Variants in AFF3 observed in about 807,000 individuals in gnomAD.
The protein encoded by AFF3 is AF4/FMR2 family member 3.
A neutral mutation model predicts 129.7 loss-of-function variants in AFF3; 32 were observed. That is an observed-to-expected ratio of 0.25 (90% CI 0.19 to 0.33). AFF3 has a LOEUF of 0.33. Ranked by LOEUF, AFF3 falls within the 10% of genes least tolerant of loss-of-function variation. The pLI, the probability that AFF3 is intolerant of heterozygous loss-of-function variation, is 1.00. For synonymous variants in AFF3, 644 were observed against 635.4 expected, an observed-to-expected ratio of 1.01 and a Z score of -0.20; for missense variants, 1,373 against 1,592.0, an observed-to-expected ratio of 0.86 and a Z score of 2.34.
chr2:100,134,959 C>T (rs917993632), intron 1 of AFF3, among the ~76,000 whole-genome samples: 1 of 152,216 alleles, frequency 6.6e-6, no homozygotes, highest in Admixed American at 6.5e-5. Context: ...GAAGCTCTCT[C>T]TGAAATGGTG....
intron 7 of AFF3, among the ~76,000 whole-genome samples, chr2:99,978,319 A>C (rs1296011843): frequency 6.6e-6 from 1 of 152,112 alleles, no homozygotes; most frequent in Non-Finnish European, 1.5e-5. Flanking sequence ...AGCAGATACC[A>C]AAAGATGCTA....
At chr2:99,613,811 G>A (rs758505394) in intron 13 of AFF3, among the ~76,000 whole-genome samples, 8 of 152,164 alleles carry the variant, frequency 5.3e-5, no homozygotes, top group Non-Finnish European at 1.2e-4. Context: ...GGTTGCAGGC[G>A]ATCATCCTTG....
At chr2:100,078,274 T>C (rs1018804829) in intron 4 of AFF3, among the ~76,000 whole-genome samples, 11 of 152,338 alleles carry the variant, frequency 7.2e-5, no homozygotes, top group Non-Finnish European at 1.5e-4. Flanking sequence ...CAGAAGATAC[T>C]GTAAGCGAAT....
At chr2:99,610,357 T>C (rs2105194716) in intron 13 of AFF3, among the ~76,000 whole-genome samples, 1 of 152,376 alleles carries the variant, frequency 6.6e-6, no homozygotes, top group East Asian at 1.9e-4. Flanking sequence ...ATTTTGAGAA[T>C]GTTATAGAAA....
chr2:99,878,211 T>C (rs891206495), intron 7 of AFF3, among the ~76,000 whole-genome samples: 4 of 152,182 alleles, frequency 2.6e-5, no homozygotes, highest in Non-Finnish European at 4.4e-5. Flanking sequence ...TCCGTGAGCT[T>C]TGAGTTGTGA....
intron 4 of AFF3, among the ~76,000 whole-genome samples, chr2:100,027,102 A>G (rs1039111095): frequency 3.3e-5 from 5 of 152,086 alleles, no homozygotes; most frequent in Admixed American, 6.6e-5. Context: ...ATAAACAGAG[A>G]AAAAAAGTGA....
chr2:99,553,589 A>G (rs984630683), intron 24 of AFF3, among the ~76,000 whole-genome samples: 3 of 152,026 alleles, frequency 2.0e-5, no homozygotes, highest in African/African-American at 7.3e-5. Flanking sequence ...TGACCCCCAA[A>G]TTTTATTCCA....
intron 8 of AFF3, among the ~76,000 whole-genome samples, chr2:99,817,345 G>GT (rs1687320575): frequency 1.3e-5 from 2 of 152,156 alleles, no homozygotes; most frequent in South Asian, 4.1e-4. Flanking sequence ...GTCTTGTGTG[G>GT]TGTTCCCCAT....
chr2:99,764,765 C>T (rs1682875133), intron 8 of AFF3, among the ~76,000 whole-genome samples: 1 of 152,158 alleles, frequency 6.6e-6, no homozygotes. Context: ...GACTGAGTGA[C>T]TCTTGTTAAA....
At chr2:99,884,301 C>T (rs934885728) in intron 7 of AFF3, among the ~76,000 whole-genome samples, 1 of 152,188 alleles carries the variant, frequency 6.6e-6, no homozygotes. Flanking sequence ...CATCACCTCA[C>T]GTACTTTCGT....
At chr2:100,017,375 A>C (rs1181086439) in intron 4 of AFF3, among the ~76,000 whole-genome samples, 1 of 152,188 alleles carries the variant, frequency 6.6e-6, no homozygotes, top group African/African-American at 2.4e-5. Flanking sequence ...CTCTGACCAC[A>C]AACAAGTAAA....
At chr2:99,989,963 G>C (rs961653824) in intron 7 of AFF3, among the ~76,000 whole-genome samples, 1 of 152,050 alleles carries the variant, frequency 6.6e-6, no homozygotes, top group African/African-American at 2.4e-5. Context: ...GTTTTTTATT[G>C]ATGTAATTGA....
At chr2:99,627,695 T>C (rs1198808636) in intron 13 of AFF3, among the ~76,000 whole-genome samples, 1 of 152,206 alleles carries the variant, frequency 6.6e-6, no homozygotes, top group Non-Finnish European at 1.5e-5. Flanking sequence ...AGGGTTTTTA[T>C]AGTTTTGGGG....
At chr2:99,767,213 T>C (rs1031902130) in intron 8 of AFF3, among the ~76,000 whole-genome samples, 1 of 152,014 alleles carries the variant, frequency 6.6e-6, no homozygotes, top group African/African-American at 2.4e-5. Context: ...TCTCAGGAGG[T>C]GTAAGCACCA....
chr2:100,025,194 T>TC (rs2104906398), intron 4 of AFF3, among the ~76,000 whole-genome samples: 1 of 152,098 alleles, frequency 6.6e-6, no homozygotes, highest in East Asian at 1.9e-4. Flanking sequence ...ACCAACCCCT[T>TC]CCTTCCTCAC....
At chr2:99,683,424 A>G (rs1046534191) in intron 11 of AFF3, among the ~76,000 whole-genome samples, 2 of 152,134 alleles carry the variant, frequency 1.3e-5, no homozygotes, top group South Asian at 2.1e-4. Flanking sequence ...CTATGTTACA[A>G]TTTAAGTCCA....
chr2:99,731,599 C>T (rs749295770), intron 10 of AFF3, among the ~76,000 whole-genome samples: 6 of 152,134 alleles, frequency 3.9e-5, no homozygotes, highest in Admixed American at 6.6e-5. Flanking sequence ...ATTATTGAGT[C>T]ATCCTCCTTA....
At chr2:99,751,830 C>A (rs574071431) in intron 9 of AFF3, among the ~76,000 whole-genome samples, 140 of 152,252 alleles carry the variant, frequency 9.2e-4, no homozygotes, top group African/African-American at 3.2e-3. Flanking sequence ...AAATACCACA[C>A]GTCTTCAATA....
At chr2:99,997,558 C>T (rs111424198) in intron 7 of AFF3, among the ~76,000 whole-genome samples, 2 of 151,872 alleles carry the variant, frequency 1.3e-5, no homozygotes, top group African/African-American at 4.8e-5. Context: ...CTCAGTGCAA[C>T]AGCCAAACCC....
Sources: gnomAD v4.1 joint callset for allele counts (sites outside exome capture counted in the v4.1 genomes callset) on GRCh38, gnomAD v4.1.1 for gene constraint, MANE v1.5 for transcripts, NCBI Gene and HGNC (gene_info 2026-07-23, HGNC 2026-07-21) for gene names.